Variants in ZMAT1 observed in about 807,000 individuals in gnomAD.
The protein encoded by ZMAT1 is zinc finger matrin-type 1.
A neutral mutation model predicts 18.5 loss-of-function variants in ZMAT1; 11 were observed. The observed-to-expected ratio is 0.59, with a 90% CI of 0.37 to 0.98. ZMAT1 has a LOEUF of 0.98. Ranked by LOEUF, ZMAT1 falls within the 50% of genes least tolerant of loss-of-function variation. The pLI is 0.01. For synonymous variants in ZMAT1, 211 were observed against 176.4 expected (o/e 1.20, Z -1.55); for missense variants, 525 against 496.2 (o/e 1.06, Z -0.55).
Position 101,904,345 on chromosome X carries a change from G to T in ZMAT1, c.293-15C>A, listed in dbSNP as rs781465880. 8.1e-6 allele frequency: 9 copies of T among 1,108,154 alleles called. No homozygotes were observed. The highest frequency in any genetic ancestry group is 1.1e-5 in the Non-Finnish European group (9 of 813,593). The allele number at this position is 1,108,154 out of a possible 1,213,427, so 91.3% of individuals were successfully genotyped here. ...CCAAATGGCGTCTGTGAATAAAAAA[G>T]GGAAGACAAATATATCACATTAATA... On this transcript the variant is annotated splice_polypyrimidine_tract_variant and intron_variant, in intron 1 of 5. Coordinates refer to ENST00000651725, the MANE Select transcript of ZMAT1 (RefSeq NM_001394560.1).
rs895746763 is a variant in ZMAT1, at chrX:101,931,795, AGCC to A, written c.211_213del (p.Gly71del). On this transcript the variant is annotated inframe_deletion, in exon 1 of 6. Coordinates refer to ENST00000651725, the MANE Select transcript of ZMAT1 (RefSeq NM_001394560.1). ...GCCGCCGCCATAGTGGAGCCGCCAAAGCCGCCGCCGCCGCCGTCGCCACAGCCA... is the reference window on the plus strand; with the variant it reads ...GCCGCCGCCATAGTGGAGCCGCCAAAGCCGCCGCCGCCGTCGCCACAGCCA... 40 of 781,087 alleles carry A rather than the reference AGCC, an allele frequency of 5.1e-5. No individual in the cohort carries two copies. Among genetic ancestry groups the A allele is most frequent in the South Asian group, 3.7e-4 (7 of 19,098 alleles). The allele number at this position is 781,087 out of a possible 1,213,427, so 64.4% of individuals were successfully genotyped here.
At chrX:101,900,049 T>C (rs1928117065) in intron 2 of ZMAT1, among the ~76,000 whole-genome samples, 1 of 112,164 alleles carries the variant, frequency 8.9e-6, no homozygotes, top group African/African-American at 3.2e-5. Flanking sequence ...ATTTCCTTGA[T>C]CATTAGTGAC....
chrX:101,910,155 G>A (rs1928864688), intron 1 of ZMAT1, among the ~76,000 whole-genome samples: 1 of 112,511 alleles, frequency 8.9e-6, no homozygotes, highest in Non-Finnish European at 1.9e-5. Flanking sequence ...AATTCTCCCA[G>A]ATCATGTTCA....
chrX:101,884,912 A>G (rs1434655310), intron 5 of ZMAT1, 91 bp from the exon 6 acceptor site: 2 of 551,170 alleles, frequency 3.6e-6, no homozygotes, highest in East Asian at 7.7e-5. Flanking sequence ...AAAAACAAAA[A>G]CAACAAATTT....
Position 101,931,829 on chromosome X carries a change from A to T in ZMAT1, c.180T>A (p.Pro60=). The T allele has an allele frequency of 1.5e-5, 12 of 784,235 alleles. No homozygotes were observed. Among genetic ancestry groups the T allele is most frequent in the Non-Finnish European group, 1.8e-5 (12 of 661,491 alleles). 64.6% of individuals were successfully genotyped at this position (784,235 alleles called of 1,213,427 possible). A position where few individuals can be genotyped will look rare whatever the true frequency, so the allele number is the denominator to read the frequency against. ...SSATSAPACP[P]AGGCGDGGGG... ...CGCCGCCGTCGCCACAGCCACCGGC[A>T]GGCGGGCAGGCAGGGGCGGAGGTGG... Residue 60 remains proline, a synonymous_variant, in exon 1 of 6, where the codon CCT becomes CCA. Transcript: ENST00000651725.
At chrX:101,895,627 T>C (rs1021609521) in intron 4 of ZMAT1, among the ~76,000 whole-genome samples, 2 of 110,995 alleles carry the variant, frequency 1.8e-5, no homozygotes, top group African/African-American at 3.3e-5. Context: ...GAGATTTCTC[T>C]CTTATTTTGT....
intron 1 of ZMAT1, among the ~76,000 whole-genome samples, chrX:101,928,269 A>G (rs1429086079): frequency 8.9e-6 from 1 of 112,789 alleles, no homozygotes; most frequent in Non-Finnish European, 1.9e-5. Context: ...TATATCCTTA[A>G]CACTAAGCAT....
At chrX:101,928,861 T>C (rs1427191807) in intron 1 of ZMAT1, among the ~76,000 whole-genome samples, 1 of 112,133 alleles carries the variant, frequency 8.9e-6, no homozygotes, top group Admixed American at 9.5e-5. Context: ...AAGCAATTTT[T>C]TTTTTACTAT....
At chrX:101,931,458 A>G in intron 1 of ZMAT1, 4 of 753,631 alleles carry the variant, frequency 5.3e-6, no homozygotes, top group Non-Finnish European at 6.3e-6. Flanking sequence ...CTCCTGCCTC[A>G]TGAGTACCTG....
chrX:101,913,816 T>C (rs762221219), intron 1 of ZMAT1, among the ~76,000 whole-genome samples: 1 of 112,056 alleles, frequency 8.9e-6, no homozygotes, highest in Non-Finnish European at 1.9e-5. Flanking sequence ...AAACAGCAGA[T>C]GTAATCTGCA....
At chrX:101,926,273 T>TGCC (rs1223865277) in intron 1 of ZMAT1, among the ~76,000 whole-genome samples, 1 of 112,191 alleles carries the variant, frequency 8.9e-6, no homozygotes, top group Non-Finnish European at 1.9e-5. Context: ...CCAGAATATC[T>TGCC]GCCTTCAATG....
At chrX:101,929,446 T>C (rs1182417055) in intron 1 of ZMAT1, among the ~76,000 whole-genome samples, 5 of 74,772 alleles carry the variant, frequency 6.7e-5, no homozygotes, top group African/African-American at 2.7e-4. Flanking sequence ...TATATATATA[T>C]ATATATATAT....
chrX:101,917,188 G>A (rs1158173940), intron 1 of ZMAT1, among the ~76,000 whole-genome samples: 1 of 111,618 alleles, frequency 9.0e-6, no homozygotes, highest in Non-Finnish European at 1.9e-5. Flanking sequence ...GGACAAATGG[G>A]ATCATATCAA....
At chrX:101,886,955 T>C (rs1303675700) in intron 4 of ZMAT1, 6 of 307,560 alleles carry the variant, frequency 2.0e-5, no homozygotes, top group Non-Finnish European at 3.4e-5. Flanking sequence ...CCAGAATTCT[T>C]TACACCACAC....
chrX:101,907,872 G>GA (rs1467441409), intron 1 of ZMAT1, among the ~76,000 whole-genome samples: 2 of 109,757 alleles, frequency 1.8e-5, no homozygotes, highest in Non-Finnish European at 3.8e-5. Flanking sequence ...ACCGTAAGAG[G>GA]AAAAAAAAAG....
chrX:101,912,853 G>A (rs904877778), intron 1 of ZMAT1, among the ~76,000 whole-genome samples: 13 of 112,074 alleles, frequency 1.2e-4, no homozygotes, highest in African/African-American at 3.9e-4. Flanking sequence ...AAAATGTAAA[G>A]CTGCTTCCAT....
intron 5 of ZMAT1, 29 bp from the exon 6 acceptor site, chrX:101,884,850 T>C (rs1926817254): frequency 2.4e-6 from 2 of 818,029 alleles, no homozygotes; most frequent in Admixed American, 3.1e-5. Context: ...AAAATTGTTA[T>C]TAGATTATTT....
At chrX:101,895,671 G>GTT (rs67043168) in intron 4 of ZMAT1, 90 of 121,911 alleles carry the variant, frequency 7.4e-4, no homozygotes, top group Non-Finnish European at 1.0e-3. Context: ...TTTCTTTTGT[G>GTT]TTTTTTTTTT....
At chrX:101,889,631 A>G (rs2147584832) in intron 4 of ZMAT1, 1 of 112,075 alleles carries the variant, frequency 8.9e-6, no homozygotes, top group East Asian at 2.8e-4. Flanking sequence ...GGTTGGCCTG[A>G]GCAATGGGAG....
Sources: allele counts gnomAD v4.1 joint callset (sites outside exome capture counted in the v4.1 genomes callset), GRCh38; gene constraint gnomAD v4.1.1; transcripts MANE v1.5; gene names NCBI Gene and HGNC (gene_info 2026-07-23, HGNC 2026-07-21).